Variants in PARD3 observed in about 807,000 individuals in gnomAD.
PARD3 encodes par-3 family cell polarity regulator, also known as partitioning defective 3 homolog.
PARD3 carries 75 observed loss-of-function variants against 155.4 expected under a neutral mutation model. That is an observed-to-expected ratio of 0.48 (90% confidence interval 0.40 to 0.58). The LOEUF is 0.58. Among genes scored for constraint, PARD3 ranks in the 20% least tolerant of loss-of-function variants. PARD3 has a pLI of 0.00. For synonymous variants in PARD3, 576 were observed against 610.5 expected, an observed-to-expected ratio of 0.94 and a Z score of 0.83; for missense variants, 1,642 against 1,721.7, an observed-to-expected ratio of 0.95 and a Z score of 0.82.
At chr10:34,517,299 A>C (rs894368399) in intron 2 of PARD3, 140 bp from the exon 3 acceptor site, 3 of 672,642 alleles carry the variant, frequency 4.5e-6, no homozygotes, top group Middle Eastern at 4.3e-4. Flanking sequence ...ACGAAGAAAA[A>C]CCTCAAAGAA....
chr10:34,773,735 T>C (rs1454774204), intron 1 of PARD3, among the ~76,000 whole-genome samples: 2 of 152,214 alleles, frequency 1.3e-5, no homozygotes, highest in Admixed American at 1.3e-4. Context: ...TTTTTACTGG[T>C]TAATTCCCTC....
At chr10:34,526,726 C>T (rs553995854) in intron 2 of PARD3, among the ~76,000 whole-genome samples, 1 of 152,288 alleles carries the variant, frequency 6.6e-6, no homozygotes, top group Non-Finnish European at 1.5e-5. Context: ...CAGCAAGTTA[C>T]GAATGTTTAG....
At chr10:34,161,285 AT>A in intron 22 of PARD3, among the ~76,000 whole-genome samples, 1 of 151,352 alleles carries the variant, frequency 6.6e-6, no homozygotes, top group African/African-American at 2.4e-5. Context: ...GAGAATTAGC[AT>A]GAAATGGGGA....
chr10:34,661,109 T>C (rs1348449395), intron 2 of PARD3, among the ~76,000 whole-genome samples: 1 of 152,168 alleles, frequency 6.6e-6, no homozygotes, highest in African/African-American at 2.4e-5. Context: ...TGGAGATAGT[T>C]TGAGGATTCT....
Position 34,548,454 on chromosome 10 carries a change from G to C in PARD3, c.223-31295C>G, listed in dbSNP as rs71487370. On this transcript the variant is annotated intron_variant, in intron 2 of 24. Coordinates refer to ENST00000374788, the MANE Select transcript of PARD3 (RefSeq NM_001184785.2). The stretch of plus-strand genomic sequence containing the variant: ...GCAGAGGTTGCAGTGAGCCAAGATT[G>C]CACCACTGCACTGCAGCCTGGGCAA... Among the ~76,000 whole-genome samples, 843 of 152,172 alleles carry C rather than the reference G, an allele frequency of 5.5e-3. 4 individuals carry two copies. The highest frequency in any genetic ancestry group is 7.7e-3 in the Non-Finnish European group (526 of 68,006).
chr10:34,701,756 G>A lies in PARD3; in HGVS notation c.121-5337C>T, dbSNP rs539709981. 2.6e-5 allele frequency among the ~76,000 whole-genome samples: 4 copies of A among 152,260 alleles called. No homozygotes were observed. The South Asian group carries it at 6.2e-4, about 24-fold the overall frequency. ...CAAAAAAACTGGAAAAATCACCAAC[G>A]TGTGGTGGTGTGCACCTGTGCCCAT... On this transcript the variant is annotated intron_variant, in intron 1 of 24. Coordinates refer to ENST00000374788, the MANE Select transcript of PARD3 (RefSeq NM_001184785.2).
chr10:34,777,184 AC>A (rs1190458804), intron 1 of PARD3, among the ~76,000 whole-genome samples: 1 of 151,186 alleles, frequency 6.6e-6, no homozygotes, highest in Non-Finnish European at 1.5e-5. Flanking sequence ...CTGCTTTGGA[AC>A]CTTCGAAGAC....
intron 2 of PARD3, among the ~76,000 whole-genome samples, chr10:34,681,012 A>G (rs1022180527): frequency 2.0e-5 from 3 of 152,134 alleles, no homozygotes; most frequent in Non-Finnish European, 4.4e-5. Flanking sequence ...CTACATAACC[A>G]AACAGCCTAC....
At chr10:34,693,040 A>C (rs2094099568) in intron 2 of PARD3, among the ~76,000 whole-genome samples, 1 of 152,222 alleles carries the variant, frequency 6.6e-6, no homozygotes, top group Admixed American at 6.5e-5. Flanking sequence ...TTATTAAATA[A>C]AACAATACAT....
At chr10:34,326,377 GTTA>G (rs568131799) in intron 19 of PARD3, among the ~76,000 whole-genome samples, 60 of 152,162 alleles carry the variant, frequency 3.9e-4, no homozygotes, top group Non-Finnish European at 3.4e-4. Flanking sequence ...GATGTGATAG[GTTA>G]TTCTTCTTCT....
chr10:34,740,739 C>T (rs946293218), intron 1 of PARD3, among the ~76,000 whole-genome samples: 2 of 152,104 alleles, frequency 1.3e-5, no homozygotes, highest in African/African-American at 4.8e-5. Flanking sequence ...CAGACAGAAT[C>T]TTCATTCTGA....
chr10:34,598,853 C>T (rs2089519991), intron 2 of PARD3, among the ~76,000 whole-genome samples: 1 of 152,108 alleles, frequency 6.6e-6, no homozygotes. Flanking sequence ...CAAAGCATTC[C>T]CAAGACTGAA....
In PARD3 at chr10:34,659,418, C is replaced by A. The variant is rs148073944; in HGVS notation, c.222+36900G>T. 4.3e-4 allele frequency among the ~76,000 whole-genome samples: 66 copies of A among 152,130 alleles called. 1 individual carries two copies. The East Asian group carries it at 6.6e-3, about 15-fold the overall frequency. ...CTCAGCTGTAGTAATTATTAATCTT[C>A]GCCAAAACTGTTTCATTGCTTCACT... is the stretch of plus-strand genomic sequence containing the variant. On this transcript the variant is annotated intron_variant, in intron 2 of 24. Coordinates refer to ENST00000374788, the MANE Select transcript of PARD3 (RefSeq NM_001184785.2).
intron 22 of PARD3, among the ~76,000 whole-genome samples, chr10:34,173,268 G>A (rs1384687631): frequency 1.3e-5 from 2 of 152,136 alleles, no homozygotes; most frequent in East Asian, 1.9e-4. Flanking sequence ...CCAGAGTACT[G>A]GCAAACCTCA....
chr10:34,211,373 G>A (rs767886984), intron 22 of PARD3, among the ~76,000 whole-genome samples: 3 of 152,278 alleles, frequency 2.0e-5, no homozygotes, highest in East Asian at 1.9e-4. Flanking sequence ...TTAGGCCAGC[G>A]GGAAGGGAGT....
At chr10:34,757,116 A>G (rs1039477228) in intron 1 of PARD3, among the ~76,000 whole-genome samples, 5 of 152,194 alleles carry the variant, frequency 3.3e-5, no homozygotes, top group Non-Finnish European at 7.4e-5. Context: ...CTATGACAGC[A>G]TTTTGCATCT....
At chr10:34,113,496 A>AACAC (rs58408464) in intron 24 of PARD3, among the ~76,000 whole-genome samples, 81 of 148,122 alleles carry the variant, frequency 5.5e-4, no homozygotes, top group Admixed American at 2.3e-3. Flanking sequence ...ATAAGACAGA[A>AACAC]ACACACACAC....
chr10:34,120,702 A>C (rs10466050), intron 23 of PARD3, among the ~76,000 whole-genome samples: 39,376 of 152,098 alleles, frequency 0.26, 5,441 homozygotes, highest in Middle Eastern at 0.39. Context: ...GAACAAACCC[A>C]AAAGCTACTC....
chr10:34,385,821 A>T (rs548426310), intron 7 of PARD3, among the ~76,000 whole-genome samples: 1 of 152,314 alleles, frequency 6.6e-6, no homozygotes, highest in African/African-American at 2.4e-5. Context: ...AGAGAACATA[A>T]GATTCAGCAG....
Sources: allele counts gnomAD v4.1 joint callset (sites outside exome capture counted in the v4.1 genomes callset), GRCh38; gene constraint gnomAD v4.1.1; transcripts MANE v1.5; gene names NCBI Gene and HGNC (gene_info 2026-07-23, HGNC 2026-07-21).